The following DCAF15 variants were observed in gnomAD, a reference collection of about 807,000 sequenced individuals.
DCAF15 encodes DDB1- and CUL4-associated factor 15.
A neutral mutation model predicts 68.0 loss-of-function variants in DCAF15; 24 were observed. The ratio of observed to expected loss-of-function variants is 0.35; its 90% CI spans 0.26 to 0.50. DCAF15 has a LOEUF of 0.50. DCAF15 is among the 20% of genes least tolerant of loss of function. The pLI is 0.98. For synonymous variants in DCAF15, 376 were observed against 341.6 expected, an observed-to-expected ratio of 1.10 and a Z score of -1.11; for missense variants, 627 against 830.6, an observed-to-expected ratio of 0.75 and a Z score of 3.01.
intron 4 of DCAF15, 38 bp downstream of exon 4, chr19:13,956,056 G>A: frequency 1.2e-6 from 2 of 1,612,494 alleles, no homozygotes; most frequent in Non-Finnish European, 1.7e-6. Flanking sequence ...GGCTGGTTGG[G>A]GCAGGGGGTG....
At chr19:13,952,850 C>T (rs1391565272) in intron 1 of DCAF15, among the ~76,000 whole-genome samples, 2 of 37,466 alleles carry the variant, frequency 5.3e-5, no homozygotes, top group Non-Finnish European at 9.9e-5. Context: ...GTGGTTGTGT[C>T]GGGTGACCGG....
At position 13,960,913 on chromosome 19, in the gene DCAF15, A is replaced by G. The variant is rs73517653; in HGVS notation, c.1748-27A>G. The G allele has an allele frequency of 3.4e-4, 553 of 1,613,864 alleles. 1 individual carries two copies. In the African/African-American group the frequency reaches 6.2e-3, roughly 18 times the overall value. On this transcript the variant is annotated intron_variant, in intron 12 of 12. Transcript: ENST00000254337. The stretch of plus-strand genomic sequence containing the variant: ...GCAGGGCCAGGCAGGCAGGGGCTCT[A>G]TGCTTTGTCTCCACCTGTCCCTGTA...
chr19:13,957,200 G>T (rs578136850), intron 6 of DCAF15, among the ~76,000 whole-genome samples: 21 of 152,342 alleles, frequency 1.4e-4, no homozygotes, highest in African/African-American at 5.1e-4. Context: ...GGCATTATAT[G>T]TTTGATATCG....
chr19:13,955,178 T>C (rs1488968136), intron 3 of DCAF15, among the ~76,000 whole-genome samples: 1 of 152,156 alleles, frequency 6.6e-6, no homozygotes, highest in African/African-American at 2.4e-5. Context: ...CCCAGCACTT[T>C]GGGAGCCCGA....
At position 13,956,418 on chromosome 19, in the gene DCAF15, C is replaced by G. The variant is rs746715220; in HGVS notation, c.680C>G (p.Pro227Arg). The change falls in exon 6 of 13, where the codon CCC becomes CGC. Residue 227 changes from proline to arginine, a missense_variant. Pro to Arg is a moderately radical substitution (Grantham distance 103). Transcript: ENST00000254337. ...CACACCAAGTACCAGGTGGTCTACCCCTTCCCCACCTTCCAGCCCGCCTTC... is the reference window on the plus strand; with the variant it reads ...CACACCAAGTACCAGGTGGTCTACCGCTTCCCCACCTTCCAGCCCGCCTTC... ...MLHTKYQVVY[P>R]FPTFQPAFQL... The G allele has an allele frequency of 6.2e-7, 1 of 1,613,924 alleles. No homozygotes were observed. The highest frequency in any genetic ancestry group is 8.5e-7 in the Non-Finnish European group (1 of 1,180,022).
rs574824640 is a variant in DCAF15 at position 13,957,434 on chromosome 19, C to T, written c.784+912C>T. ...AAGACTGCTGAGGGGGAGTTGGGGG[C>T]CACCTGAAGAACCCTCCCTGGGGAT... is the stretch of plus-strand genomic sequence containing the variant. On this transcript the variant is annotated intron_variant, in intron 6 of 12. Coordinates refer to ENST00000254337, the MANE Select transcript of DCAF15 (RefSeq NM_138353.4). 1.1e-4 allele frequency among the ~76,000 whole-genome samples: 16 copies of T among 152,224 alleles called. 1 individual carries two copies. In the South Asian group the frequency reaches 3.3e-3, roughly 32 times the overall value.
Position 13,959,330 on chromosome 19 carries a change from C to G in DCAF15, c.1070C>G (p.Ala357Gly). Residue 357 changes from alanine to glycine, a missense_variant, in exon 7 of 13, where the codon GCG (alanine) becomes GGG (glycine). This residue lies in a region of DCAF15 where 236 missense variants were observed against 225.1 expected (regional missense o/e 1.05). Coordinates refer to ENST00000254337, the MANE Select transcript of DCAF15 (RefSeq NM_138353.4). ...CPGPSGSRCR[A>G]HSEPLALCGE... Reference sequence around the variant, plus strand: ...GGACCCTCTGGCAGCCGCTGCCGTGCGCACTCTGAGCCCCTAGCCCTGTGT... The same window carrying G: ...GGACCCTCTGGCAGCCGCTGCCGTGGGCACTCTGAGCCCCTAGCCCTGTGT... The G allele has an allele frequency of 1.2e-6, 2 of 1,606,336 alleles. No individual in the cohort carries two copies. The highest frequency in any genetic ancestry group is 8.5e-7 in the Non-Finnish European group (1 of 1,179,744).
At chr19:13,960,699 G>T in intron 12 of DCAF15, 119 bp downstream of exon 12, 1 of 1,117,806 alleles carries the variant, frequency 8.9e-7, no homozygotes, top group South Asian at 1.5e-5. Flanking sequence ...GGGCAGCCCA[G>T]GCCAGGCCCA....
chr19:13,952,730 T>G (rs897641959), intron 1 of DCAF15, 86 bp downstream of exon 1: 4,105 of 250,454 alleles, frequency 0.016, 29 homozygotes, highest in Admixed American at 0.029. Context: ...GTTCGCGGGG[T>G]GAGGGGTTGG....
rs890911432 is a variant in DCAF15 at position 13,952,729 on chromosome 19, G to A, written c.132+85G>A. On this transcript the variant is annotated intron_variant, in intron 1 of 12. Coordinates refer to ENST00000254337, the MANE Select transcript of DCAF15 (RefSeq NM_138353.4). ...GCGGAGGGAGGAGGGCGTTCGCGGG[G>A]TGAGGGGTTGGGGGCGGGGCCCCAG... 4,196 of 1,032,238 alleles carry A rather than the reference G, an allele frequency of 4.1e-3. 18 individuals carry two copies. Among genetic ancestry groups the A allele is most frequent in the Admixed American group, 4.6e-3 (106 of 23,178 alleles). The allele number at this position is 1,032,238 out of a possible 1,614,324, so 63.9% of individuals were successfully genotyped here. A position where few individuals can be genotyped will look rare whatever the true frequency, so the allele number is the denominator to read the frequency against.
At chr19:13,956,633 A>T in intron 6 of DCAF15, 111 bp downstream of exon 6, 1 of 1,222,600 alleles carries the variant, frequency 8.2e-7, no homozygotes, top group Non-Finnish European at 1.1e-6. Context: ...CTACTTCCCC[A>T]AGTCACACAG....
Position 13,956,356 on chromosome 19 carries a change from C to T in DCAF15, c.618C>T (p.Asp206=). Residue 206 remains aspartate (D), a synonymous_variant, in exon 6 of 13, where the codon GAC becomes GAT. Transcript: ENST00000254337. ...CQDASRAHPG[D]PNAQCLRHGF... is the part of the protein sequence containing the mutation. ...CTGTGGCGTGTGTTGCTACAGGAGACCCGAATGCACAGTGCCTACGGCATG... is the reference window on the plus strand; with the variant it reads ...CTGTGGCGTGTGTTGCTACAGGAGATCCGAATGCACAGTGCCTACGGCATG... The T allele has an allele frequency of 6.2e-7, 1 of 1,613,716 alleles. No homozygotes were observed. The highest frequency in any genetic ancestry group is 8.5e-7 in the Non-Finnish European group (1 of 1,179,990).
intron 6 of DCAF15, among the ~76,000 whole-genome samples, chr19:13,956,825 G>A (rs1296108737): frequency 4.6e-5 from 7 of 152,194 alleles, no homozygotes; most frequent in Non-Finnish European, 8.8e-5. Flanking sequence ...CCAGTGGTGC[G>A]ATCTTGGCTC....
At chr19:13,956,700 A>G (rs900234755) in intron 6 of DCAF15, among the ~76,000 whole-genome samples, 178 bp downstream of exon 6, 1 of 152,228 alleles carries the variant, frequency 6.6e-6, no homozygotes, top group African/African-American at 2.4e-5. Context: ...AGCCCTGCCC[A>G]CGGGATCTTT....
At chr19:13,960,211 G>T (rs1016269235) in intron 10 of DCAF15, 76 bp from the exon 11 acceptor site, 1 of 1,571,482 alleles carries the variant, frequency 6.4e-7, no homozygotes, top group Non-Finnish European at 8.7e-7. Flanking sequence ...AAGACAAAAG[G>T]CCCTCAGGGT....
Position 13,960,948 on chromosome 19 carries a change from C to G in DCAF15, c.1756C>G (p.Leu586Val). 1.2e-6 allele frequency: 2 copies of G among 1,614,018 alleles called. No homozygotes were observed. Among genetic ancestry groups the G allele is most frequent in the Non-Finnish European group, 1.7e-6 (2 of 1,180,020 alleles). The change falls in exon 13 of 13, where the codon CTG becomes GTG. Residue 586 changes from leucine to valine, a missense_variant. Leu to Val is a conservative substitution (Grantham distance 32). Transcript: ENST00000254337. ...TNEALHKGCS[L>V]KVLADSERYT... ...TCCACCTGTCCCTGTAGGGTGCTCCCTGAAGGTTCTGGCGGACAGCGAGCG... is the reference window on the plus strand; with the variant it reads ...TCCACCTGTCCCTGTAGGGTGCTCCGTGAAGGTTCTGGCGGACAGCGAGCG...
At chr19:13,952,828 G>T (rs1973129795) in intron 1 of DCAF15, among the ~76,000 whole-genome samples, 184 bp downstream of exon 1, 1 of 139,924 alleles carries the variant, frequency 7.1e-6, no homozygotes, top group Non-Finnish European at 1.6e-5. Context: ...TCAGTTGGGG[G>T]CCTGGATGCA....
chr19:13,961,135 CAGGG>C lies in DCAF15; in HGVS notation c.*141_*144del. The C allele has an allele frequency of 9.9e-7, 1 of 1,010,728 alleles. No homozygotes were observed. Among genetic ancestry groups the C allele is most frequent in the Non-Finnish European group, 1.5e-6 (1 of 673,208 alleles). The allele number at this position is 1,010,728 out of a possible 1,614,324, so 62.6% of individuals were successfully genotyped here. ...TGTTAGCCTGCGGAACGGGGCTGGG[CAGGG>C]CAGCCTCTGTTGGCCTGAGGGTCTG... is the stretch of plus-strand genomic sequence containing the variant. On this transcript the variant is annotated 3_prime_UTR_variant, in exon 13 of 13. Transcript: ENST00000254337.
intron 1 of DCAF15, chr19:13,952,990 A>T (rs1973144960): frequency 2.7e-6 from 3 of 1,117,978 alleles, no homozygotes; most frequent in Non-Finnish European, 3.9e-6. Flanking sequence ...CTCTGCTCCC[A>T]TGGTTGCTCC....
Sources: allele counts gnomAD v4.1 joint callset (sites outside exome capture counted in the v4.1 genomes callset), GRCh38; gene constraint gnomAD v4.1.1; regional missense constraint gnomAD v4.1.1; transcripts MANE v1.5; gene names NCBI Gene and HGNC (gene_info 2026-07-23, HGNC 2026-07-21).